Variants in SLC39A12 observed in about 807,000 individuals in gnomAD.
SLC39A12 encodes the protein solute carrier family 39 member 12.
A neutral mutation model predicts 71.1 loss-of-function variants in SLC39A12; 63 were observed. The ratio of observed to expected loss-of-function variants is 0.89; its 90% CI spans 0.72 to 1.09. SLC39A12 has a LOEUF of 1.09. SLC39A12 is among the 50% of genes least tolerant of loss of function. The probability of loss-of-function intolerance (pLI) is 0.00; values close to 1 mark genes in which losing one functional copy is unlikely to be tolerated. For missense variants in SLC39A12, 892 were observed against 812.6 expected (o/e 1.10, Z -1.19); for synonymous variants, 351 against 301.3 (o/e 1.16, Z -1.71).
chr10:18,027,370 C>A (rs1445720600), intron 12 of SLC39A12, among the ~76,000 whole-genome samples: 1 of 152,218 alleles, frequency 6.6e-6, no homozygotes, highest in African/African-American at 2.4e-5. Flanking sequence ...CCAGTTTCCC[C>A]TGAGGGAAGA....
intron 4 of SLC39A12, among the ~76,000 whole-genome samples, chr10:17,976,435 G>A (rs1054190600): frequency 6.6e-6 from 1 of 151,832 alleles, no homozygotes; most frequent in African/African-American, 2.4e-5. Flanking sequence ...TGTTTTTGTT[G>A]GTACAGATTC....
chr10:18,038,635 A>G (rs879531809), intron 12 of SLC39A12, among the ~76,000 whole-genome samples: 16 of 149,866 alleles, frequency 1.1e-4, no homozygotes, highest in African/African-American at 4.0e-4. Context: ...CTGGGCCACA[A>G]GAGTGAAACT....
At chr10:18,032,934 T>TTA (rs1836891780) in intron 12 of SLC39A12, among the ~76,000 whole-genome samples, 1 of 133,796 alleles carries the variant, frequency 7.5e-6, no homozygotes, top group East Asian at 2.2e-4. Context: ...TTGGCTCTGT[T>TTA]TATATGCTGG....
At chr10:17,957,447 C>G (rs577668508) in intron 2 of SLC39A12, among the ~76,000 whole-genome samples, 8 of 152,036 alleles carry the variant, frequency 5.3e-5, no homozygotes, top group African/African-American at 1.7e-4. Flanking sequence ...TGAGATTCCC[C>G]CCGCCCCAAA....
At chr10:18,039,420 A>G (rs1327827675) in intron 12 of SLC39A12, among the ~76,000 whole-genome samples, 7 of 152,134 alleles carry the variant, frequency 4.6e-5, no homozygotes, top group Non-Finnish European at 7.4e-5. Context: ...AAAATACTGA[A>G]AACTATTGAG....
chr10:17,954,323 G>T (rs967433907), intron 2 of SLC39A12, among the ~76,000 whole-genome samples: 1 of 152,094 alleles, frequency 6.6e-6, no homozygotes, highest in Non-Finnish European at 1.5e-5. Context: ...GCATAATCTT[G>T]GTTCACTGCA....
intron 3 of SLC39A12, among the ~76,000 whole-genome samples, chr10:17,962,349 C>T (rs1295514287): frequency 6.6e-6 from 1 of 152,150 alleles, no homozygotes; most frequent in Non-Finnish European, 1.5e-5. Flanking sequence ...AGATGATATC[C>T]CTTTGTGGTT....
At chr10:17,963,615 T>C (rs538914296) in intron 3 of SLC39A12, among the ~76,000 whole-genome samples, 32 of 152,272 alleles carry the variant, frequency 2.1e-4, no homozygotes, top group Admixed American at 9.8e-4. Context: ...GAAGGGTCCA[T>C]GAGCTCATTC....
chr10:18,007,815 T>G (rs1836074384), intron 12 of SLC39A12, among the ~76,000 whole-genome samples: 1 of 152,200 alleles, frequency 6.6e-6, no homozygotes, highest in Admixed American at 6.5e-5. Context: ...CTTTGCTGGT[T>G]TCCTTACTGC....
intron 2 of SLC39A12, among the ~76,000 whole-genome samples, chr10:17,957,138 T>A (rs1834571309): frequency 6.6e-6 from 1 of 152,206 alleles, no homozygotes; most frequent in African/African-American, 2.4e-5. Flanking sequence ...CATCTTTCAG[T>A]CTAAAACCCC....
rs201976366 is a variant in SLC39A12 at position 18,042,871 on chromosome 10, T to C, written c.*38T>C. 4.3e-4 allele frequency: 669 copies of C among 1,553,118 alleles called. No individual in the cohort carries two copies. Among genetic ancestry groups the C allele is most frequent in the Non-Finnish European group, 5.7e-4 (653 of 1,147,606 alleles). On this transcript the variant is annotated 3_prime_UTR_variant, in exon 13 of 13. Transcript: ENST00000377369. Reference sequence around the variant, plus strand: ...AACATCTTTCAAAAATGCATTTATATAGTCTTACTTTGTTTCTTTCATTGC... The same window carrying C: ...AACATCTTTCAAAAATGCATTTATACAGTCTTACTTTGTTTCTTTCATTGC...
chr10:17,999,063 G>A (rs975657287), intron 10 of SLC39A12, among the ~76,000 whole-genome samples: 4 of 152,146 alleles, frequency 2.6e-5, no homozygotes, highest in East Asian at 1.9e-4. Context: ...TTGGGAGGCC[G>A]AGGCGGGTGG....
At chr10:17,995,490 A>G (rs981044434) in intron 9 of SLC39A12, among the ~76,000 whole-genome samples, 166 bp from the exon 10 acceptor site, 2 of 152,196 alleles carry the variant, frequency 1.3e-5, no homozygotes, top group Non-Finnish European at 1.5e-5. Flanking sequence ...TTGCCCACAG[A>G]CTTTCAGCTC....
intron 12 of SLC39A12, chr10:18,005,634 CG>C (rs1835992827): frequency 6.6e-6 from 1 of 152,130 alleles, no homozygotes; most frequent in East Asian, 1.9e-4. Flanking sequence ...CCAGAATTGA[CG>C]GGGGAAGGTT....
intron 7 of SLC39A12, among the ~76,000 whole-genome samples, chr10:17,990,381 C>G (rs1423865641): frequency 6.6e-6 from 1 of 152,098 alleles, no homozygotes; most frequent in Non-Finnish European, 1.5e-5. Flanking sequence ...TACATATAAT[C>G]TATACACATA....
chr10:18,030,835 C>A (rs1372679041), intron 12 of SLC39A12, among the ~76,000 whole-genome samples: 2 of 125,200 alleles, frequency 1.6e-5, no homozygotes, highest in African/African-American at 3.0e-5. Flanking sequence ...GTGTGATATT[C>A]CCCTTCCTGT....
intron 7 of SLC39A12, among the ~76,000 whole-genome samples, chr10:17,988,144 C>T (rs965063880): frequency 7.9e-5 from 12 of 152,262 alleles, no homozygotes; most frequent in South Asian, 2.1e-4. Context: ...CCCATCTCTA[C>T]TAAAAATATA....
chr10:17,953,434 G>C lies in SLC39A12; in HGVS notation c.158G>C (p.Gly53Ala), dbSNP rs1834457734. ...GACCTGCTACAGGTTCTCTCTGCTG[G>C]TGACCACCCACCCCACAACCACTCA... ...PADLLQVLSA[G>A]DHPPHNHSRS... Residue 53 changes from glycine to alanine, a missense_variant, in exon 2 of 13, where the codon GGT becomes GCT. Transcript: ENST00000377369. 6.2e-7 allele frequency: 1 copy of C among 1,614,016 alleles called. No homozygotes were observed. The highest frequency in any genetic ancestry group is 8.5e-7 in the Non-Finnish European group (1 of 1,180,040).
chr10:17,961,459 T>C, intron 2 of SLC39A12, 122 bp from the exon 3 acceptor site: 1 of 951,528 alleles, frequency 1.1e-6, no homozygotes, highest in Non-Finnish European at 1.5e-6. Context: ...CTATTGGTCC[T>C]GCCTGCTTTT....
Sources: gnomAD v4.1 joint callset for allele counts (sites outside exome capture counted in the v4.1 genomes callset) on GRCh38, gnomAD v4.1.1 for gene constraint, MANE v1.5 for transcripts, NCBI Gene and HGNC (gene_info 2026-07-23, HGNC 2026-07-21) for gene names.